Variants in NOTCH2 observed in about 807,000 individuals in gnomAD.
NOTCH2 encodes the protein notch receptor 2, also known as neurogenic locus notch homolog protein 2.
A neutral mutation model predicts 235.8 loss-of-function variants in NOTCH2; 29 were observed. That is an observed-to-expected ratio of 0.12 (90% CI 0.09 to 0.17). The LOEUF is 0.17. Ranked by LOEUF, NOTCH2 falls within the 10% of genes least tolerant of loss-of-function variation. The probability of loss-of-function intolerance (pLI) is 1.00; values close to 1 mark genes in which losing one functional copy is unlikely to be tolerated. For missense variants in NOTCH2, 2,285 were observed against 3,150.2 expected, an observed-to-expected ratio of 0.73 and a Z score of 6.57; for synonymous variants, 1,086 against 1,141.5, an observed-to-expected ratio of 0.95 and a Z score of 0.98.
intron 11 of NOTCH2, among the ~76,000 whole-genome samples, 166 bp from the exon 12 acceptor site, chr1:119,959,668 A>G (rs1650862548): frequency 6.6e-6 from 1 of 152,236 alleles, no homozygotes; most frequent in Admixed American, 6.5e-5. Context: ...TCGTTCAGGA[A>G]GATACAGGAG....
intron 18 of NOTCH2, among the ~76,000 whole-genome samples, chr1:119,941,121 A>T (rs962870775): frequency 1.3e-4 from 20 of 152,252 alleles, no homozygotes; most frequent in African/African-American, 4.8e-4. Flanking sequence ...ATAAAAGACA[A>T]ATAGAACAAA....
Position 119,919,551 on chromosome 1 carries a change from C to T in NOTCH2, c.5542G>A (p.Asp1848Asn). The change falls in exon 31 of 34, where the codon GAT becomes AAT. Residue 1848 changes from aspartate (D) to asparagine (N), a missense_variant. Transcript: ENST00000256646. ...RGGSSDLSDE[D>N]EDAEDSSANI... ...GCAGAAGAGTCCTCTGCATCTTCAT[C>T]TTCATCACTCAAATCTGAGCTGCCT... 1.2e-6 allele frequency: 2 copies of T among 1,614,180 alleles called. No individual in the cohort carries two copies. Among genetic ancestry groups the T allele is most frequent in the Non-Finnish European group, 1.7e-6 (2 of 1,180,042 alleles).
chr1:119,951,393 C>A (rs1650467591), intron 14 of NOTCH2, among the ~76,000 whole-genome samples: 4 of 152,150 alleles, frequency 2.6e-5, no homozygotes, highest in Non-Finnish European at 4.4e-5. Context: ...GCCAAGTGAT[C>A]CTCCCACCTT....
intron 6 of NOTCH2, among the ~76,000 whole-genome samples, chr1:119,968,900 C>T (rs1277290421): frequency 6.6e-6 from 1 of 152,212 alleles, no homozygotes; most frequent in Non-Finnish European, 1.5e-5. Flanking sequence ...GGAAAGGCCT[C>T]CATGAAAGAA....
At chr1:120,039,000 T>TA (rs1242131876) in intron 1 of NOTCH2, among the ~76,000 whole-genome samples, 1 of 151,786 alleles carries the variant, frequency 6.6e-6, no homozygotes, top group Non-Finnish European at 1.5e-5. Flanking sequence ...AACAGAGTAA[T>TA]AAAAAAATTC....
chr1:119,917,021 A>T (rs587756712), intron 33 of NOTCH2, among the ~76,000 whole-genome samples: 7 of 152,248 alleles, frequency 4.6e-5, no homozygotes, highest in African/African-American at 9.6e-5. Context: ...AGCTTATCAA[A>T]ATAAGGTTAA....
chr1:119,917,588 G>GT lies in NOTCH2; in HGVS notation c.6027+76dup, dbSNP rs1649130273. ...GTCTATACATATAACAAGAGAAGCT[G>GT]TAAGGAGAAACGGGAATGGGCTTAT... On this transcript the variant is annotated intron_variant, in intron 33 of 33. Coordinates refer to ENST00000256646, the MANE Select transcript of NOTCH2 (RefSeq NM_024408.4). The GT allele has an allele frequency of 2.2e-5, 21 of 969,296 alleles. No individual in the cohort carries two copies. The South Asian group carries it at 2.4e-4, about 11-fold the overall frequency. The allele number at this position is 969,296 out of a possible 1,614,324, so 60.0% of individuals were successfully genotyped here. A position where few individuals can be genotyped will look rare whatever the true frequency, so the allele number is the denominator to read the frequency against.
intron 5 of NOTCH2, among the ~76,000 whole-genome samples, chr1:119,974,780 C>T (rs1651503667): frequency 6.6e-6 from 1 of 152,210 alleles, no homozygotes; most frequent in African/African-American, 2.4e-5. Context: ...TGATTCTCCA[C>T]CATTGCATCA....
chr1:119,949,185 C>T, intron 15 of NOTCH2, 59 bp from the exon 16 acceptor site: 2 of 1,592,722 alleles, frequency 1.3e-6, no homozygotes, highest in Non-Finnish European at 1.7e-6. Flanking sequence ...GAAAATTTTC[C>T]TTATCCCAAG....
At chr1:119,939,527 T>A (rs1456457180) in intron 19 of NOTCH2, among the ~76,000 whole-genome samples, 2 of 152,244 alleles carry the variant, frequency 1.3e-5, no homozygotes, top group African/African-American at 4.8e-5. Context: ...TGCCTGTTAA[T>A]AAGCCTAAAA....
chr1:119,940,735 T>C lies in NOTCH2; in HGVS notation c.3003A>G (p.Thr1001=). Residue 1001 remains threonine (T), a synonymous_variant, in exon 19 of 34, where the codon ACA becomes ACG. Coordinates refer to ENST00000256646, the MANE Select transcript of NOTCH2 (RefSeq NM_024408.4). ...CTESSCFNGG[T]CVDGINSFSC... ...AGAAGGAGTTAATCCCATCAACACA[T>C]GTGCCACCATTGAAACAGGAGCTAA... is the stretch of plus-strand genomic sequence containing the variant. The C allele has an allele frequency of 1.2e-6, 2 of 1,614,166 alleles. No homozygotes were observed. Among genetic ancestry groups the C allele is most frequent in the Admixed American group, 1.7e-5 (1 of 60,024 alleles).
rs1649157002 is a variant in NOTCH2 at position 119,918,272 on chromosome 1, CATGA to C, written c.5929+130_5929+133del. On this transcript the variant is annotated intron_variant, in intron 32 of 33. Coordinates refer to ENST00000256646, the MANE Select transcript of NOTCH2 (RefSeq NM_024408.4). The stretch of plus-strand genomic sequence containing the variant: ...CTGAGCTCAGCATGTTAAATAAATG[CATGA>C]ATGAAAGAATGAGTGAATCTCTCAC... 8 of 1,007,942 alleles carry C rather than the reference CATGA, an allele frequency of 7.9e-6. 1 individual carries two copies. In the South Asian group the frequency reaches 1.0e-4, roughly 13 times the overall value. The allele number at this position is 1,007,942 out of a possible 1,614,324, so 62.4% of individuals were successfully genotyped here.
At chr1:120,041,041 C>CAAAAAAAA (rs71586698) in intron 1 of NOTCH2, among the ~76,000 whole-genome samples, 3 of 15,670 alleles carry the variant, frequency 1.9e-4, no homozygotes, top group Non-Finnish European at 3.3e-4. Flanking sequence ...ACTCTGCCTG[C>CAAAAAAAA]AAAAAAAAAA....
chr1:120,037,714 T>G (rs1268716051), intron 1 of NOTCH2, among the ~76,000 whole-genome samples: 1 of 151,788 alleles, frequency 6.6e-6, no homozygotes, highest in Admixed American at 6.6e-5. Context: ...ATAAATCGAT[T>G]TTGTTTTCCT....
Position 120,053,692 on chromosome 1 carries a change from A to C in NOTCH2, c.73+15642T>G, listed in dbSNP as rs587765212. On this transcript the variant is annotated intron_variant, in intron 1 of 33. Transcript: ENST00000256646. ...GCGTTGGCCATGAAGCAGAGCCTAAAAGGAGTCATTAAAAGAAACTGAAAC... is the reference window on the plus strand; with the variant it reads ...GCGTTGGCCATGAAGCAGAGCCTAACAGGAGTCATTAAAAGAAACTGAAAC... 2.6e-3 allele frequency among the ~76,000 whole-genome samples: 363 copies of C among 140,552 alleles called. 72 individuals carry two copies. Among genetic ancestry groups the C allele is most frequent in the African/African-American group, 0.011 (355 of 33,670 alleles). 92.2% of individuals were successfully genotyped at this position (140,552 alleles called of 152,430 possible).
rs587756581 is a variant in NOTCH2 at position 119,985,425 on chromosome 1, T to C, written c.874+1535A>G. Among the ~76,000 whole-genome samples the C allele has an allele frequency of 5.9e-5, 9 of 152,278 alleles. No individual in the cohort carries two copies. The South Asian group carries it at 1.9e-3, about 32-fold the overall frequency. The stretch of plus-strand genomic sequence containing the variant: ...TTATTAAATGTCCTGGGATAAGAAA[T>C]TTGAATAAAAAAATCATTTCACTGG... On this transcript the variant is annotated intron_variant, in intron 5 of 33. Coordinates refer to ENST00000256646, the MANE Select transcript of NOTCH2 (RefSeq NM_024408.4).
In NOTCH2 at chr1:119,955,180, C is replaced by T. The variant is rs2101124691; in HGVS notation, c.2079G>A (p.Lys693=). The T allele has an allele frequency of 1.2e-6, 2 of 1,614,134 alleles. No homozygotes were observed. The highest frequency in any genetic ancestry group is 1.1e-5 in the South Asian group (1 of 91,076). ...IDECASNPCR[K]GATCINGVNG... is the part of the protein sequence containing the mutation. ...TCACACCGTTGATACATGTTGCACC[C>T]TTGCGACAGGGATTGGAGGCACACT... is the stretch of plus-strand genomic sequence containing the variant. Residue 693 remains lysine (K), a synonymous_variant, in exon 13 of 34, where the codon AAG becomes AAA. Coordinates refer to ENST00000256646, the MANE Select transcript of NOTCH2 (RefSeq NM_024408.4).
Position 119,917,571 on chromosome 1 carries a change from A to G in NOTCH2, c.6027+94T>C, listed in dbSNP as rs915443302. On this transcript the variant is annotated intron_variant, in intron 33 of 33. Coordinates refer to ENST00000256646, the MANE Select transcript of NOTCH2 (RefSeq NM_024408.4). ...AAACTGCTTCCATCTTTGTCTATAC[A>G]TATAACAAGAGAAGCTGTAAGGAGA... 3.2e-5 allele frequency: 28 copies of G among 874,796 alleles called. No individual in the cohort carries two copies. In the South Asian group the frequency reaches 3.3e-4, roughly 10 times the overall value. The allele number at this position is 874,796 out of a possible 1,614,324, so 54.2% of individuals were successfully genotyped here.
chr1:119,984,572 T>C (rs1312900693), intron 5 of NOTCH2, among the ~76,000 whole-genome samples: 6 of 152,198 alleles, frequency 3.9e-5, no homozygotes, highest in African/African-American at 1.4e-4. Flanking sequence ...AAAAGACTAA[T>C]CTGAATTTAT....
Sources: gnomAD v4.1 joint callset for allele counts (sites outside exome capture counted in the v4.1 genomes callset) on GRCh38, gnomAD v4.1.1 for gene constraint, MANE v1.5 for transcripts, NCBI Gene and HGNC (gene_info 2026-07-23, HGNC 2026-07-21) for gene names.